The following PACSIN2 variants were observed in gnomAD, a reference collection of about 807,000 sequenced individuals.
PACSIN2 encodes protein kinase C and casein kinase substrate in neurons 2, also known as protein kinase C and casein kinase substrate in neurons protein 2.
In PACSIN2, 25 loss-of-function variants were observed where a neutral mutation model predicts 63.8. That is an observed-to-expected ratio of 0.39 (90% confidence interval 0.29 to 0.55). The LOEUF (loss-of-function observed/expected upper bound fraction) is 0.55, where lower values mean the gene tolerates loss of function less well. PACSIN2 is among the 20% of genes least tolerant of loss of function. The pLI is 0.62. For synonymous variants in PACSIN2, 255 were observed against 256.2 expected (o/e 1.00, Z 0.05); for missense variants, 518 against 646.9 (o/e 0.80, Z 2.16).
chr22:42,956,091 A>G lies in PACSIN2; in HGVS notation c.-77-43934T>C, dbSNP rs574903201. ...AAATCATTCTTCCTTGTTCTCCTTC[A>G]AGGACTCCACTGTAGAACAAATCCT... On this transcript the variant is annotated intron_variant, in intron 1 of 10. Transcript: ENST00000263246. Among the ~76,000 whole-genome samples the G allele has an allele frequency of 1.7e-4, 26 of 152,326 alleles. No homozygotes were observed. In the East Asian group the frequency reaches 5.0e-3, roughly 29 times the overall value.
intron 1 of PACSIN2, among the ~76,000 whole-genome samples, chr22:43,005,015 T>A (rs1924003344): frequency 6.6e-6 from 1 of 152,276 alleles, no homozygotes; most frequent in Non-Finnish European, 1.5e-5. Context: ...AAGCTCTTTT[T>A]ATTTATACTT....
intron 1 of PACSIN2, among the ~76,000 whole-genome samples, chr22:42,921,805 C>T (rs767405395): frequency 3.0e-4 from 46 of 151,328 alleles, no homozygotes; most frequent in Non-Finnish European, 4.6e-4. Flanking sequence ...GTGGCGCGAT[C>T]TCAGCTCACT....
chr22:42,897,347 A>G (rs1930362343), intron 2 of PACSIN2, among the ~76,000 whole-genome samples: 1 of 152,260 alleles, frequency 6.6e-6, no homozygotes, highest in Non-Finnish European at 1.5e-5. Flanking sequence ...ATACATTAAA[A>G]TCAGCACATA....
chr22:42,940,822 T>TA (rs1933124396), intron 1 of PACSIN2, among the ~76,000 whole-genome samples: 1 of 152,212 alleles, frequency 6.6e-6, no homozygotes, highest in African/African-American at 2.4e-5. Context: ...GGGATGGGAT[T>TA]ATTTAGCCAG....
At position 42,876,986 on chromosome 22, in the gene PACSIN2, G is replaced by A. The variant is rs775010045; in HGVS notation, c.1053C>T (p.Pro351=). ...PSSTLNVPSN[P]AQSAQSQSSY... is the part of the protein sequence containing the mutation. ...TGGACTGTGACTGCGCAGACTGGGC[G>A]GGGTTGCTCGGGACATTAAGGGTGC... The change falls in exon 9 of 11, where the codon CCC becomes CCT. Residue 351 remains proline, a synonymous_variant. Coordinates refer to ENST00000263246, the MANE Select transcript of PACSIN2 (RefSeq NM_001184970.3). 5.6e-6 allele frequency: 9 copies of A among 1,614,168 alleles called. No homozygotes were observed. The highest frequency in any genetic ancestry group is 4.4e-5 in the South Asian group (4 of 91,084).
At chr22:42,989,859 GAA>G (rs575057018) in intron 1 of PACSIN2, among the ~76,000 whole-genome samples, 17,821 of 114,950 alleles carry the variant, frequency 0.16, 1,580 homozygotes, top group African/African-American at 0.31. Context: ...CTTGGAGGGG[GAA>G]AAAAAAATAT....
intron 1 of PACSIN2, among the ~76,000 whole-genome samples, chr22:42,989,299 C>T (rs1175228031): frequency 1.3e-5 from 2 of 152,040 alleles, no homozygotes; most frequent in Non-Finnish European, 2.9e-5. Flanking sequence ...GAGGTCAAGA[C>T]CAGCCTGGCC....
intron 1 of PACSIN2, among the ~76,000 whole-genome samples, chr22:42,976,054 G>A (rs1196927004): frequency 6.6e-6 from 1 of 152,152 alleles, no homozygotes; most frequent in African/African-American, 2.4e-5. Context: ...CAGCATTGAG[G>A]CCTTCCCCTC....
intron 1 of PACSIN2, among the ~76,000 whole-genome samples, chr22:42,930,959 ACT>A (rs1481069197): frequency 6.6e-6 from 1 of 152,138 alleles, no homozygotes; most frequent in Non-Finnish European, 1.5e-5. Context: ...CGTGTGCGTG[ACT>A]CTGAAGAGTG....
chr22:42,977,778 G>A (rs547980016), intron 1 of PACSIN2, among the ~76,000 whole-genome samples: 9 of 152,174 alleles, frequency 5.9e-5, no homozygotes, highest in South Asian at 4.2e-4. Context: ...CCCCCCTCAC[G>A]CTCTCTGTCT....
At chr22:43,009,346 G>T (rs1000641481) in intron 1 of PACSIN2, among the ~76,000 whole-genome samples, 1 of 152,210 alleles carries the variant, frequency 6.6e-6, no homozygotes, top group African/African-American at 2.4e-5. Flanking sequence ...AAGTGCTTTG[G>T]AATGTGCATC....
Position 42,997,917 on chromosome 22 carries a change from T to C in PACSIN2, c.-78+17104A>G, listed in dbSNP as rs144147139. 5.2e-3 allele frequency among the ~76,000 whole-genome samples: 788 copies of C among 152,242 alleles called. 3 individuals are homozygous for C. The highest frequency in any genetic ancestry group is 0.018 in the African/African-American group (752 of 41,550). On this transcript the variant is annotated intron_variant, in intron 1 of 10. Transcript: ENST00000263246. ...AAACAAAAATACAAGTGAAGAAACATTGCTGAGTTCCACCCACGTGTCTCA... is the reference window on the plus strand; with the variant it reads ...AAACAAAAATACAAGTGAAGAAACACTGCTGAGTTCCACCCACGTGTCTCA...
At chr22:42,881,967 G>A (rs533384673) in intron 7 of PACSIN2, among the ~76,000 whole-genome samples, 7 of 152,326 alleles carry the variant, frequency 4.6e-5, no homozygotes, top group Non-Finnish European at 8.8e-5. Context: ...ACATAACCGC[G>A]ACTTCAGGAG....
At chr22:42,963,587 G>A (rs1205446898) in intron 1 of PACSIN2, among the ~76,000 whole-genome samples, 3 of 152,120 alleles carry the variant, frequency 2.0e-5, no homozygotes, top group Non-Finnish European at 4.4e-5. Context: ...CTTGTACCAC[G>A]TTTACCACGC....
At chr22:42,985,640 A>G (rs888718626) in intron 1 of PACSIN2, among the ~76,000 whole-genome samples, 1 of 152,172 alleles carries the variant, frequency 6.6e-6, no homozygotes, top group African/African-American at 2.4e-5. Context: ...GACAAAGAAC[A>G]GCCCCTCCAA....
chr22:42,955,345 C>A (rs1398240403), intron 1 of PACSIN2, among the ~76,000 whole-genome samples: 3 of 152,166 alleles, frequency 2.0e-5, no homozygotes, highest in Non-Finnish European at 4.4e-5. Context: ...ACTGATCCAG[C>A]CAGCCAGCAT....
chr22:42,946,717 G>A (rs5759052), intron 1 of PACSIN2, among the ~76,000 whole-genome samples: 36,872 of 151,986 alleles, frequency 0.24, 5,195 homozygotes, highest in South Asian at 0.33. Context: ...ATCCTCTCTC[G>A]TCCAGCTGGG....
intron 1 of PACSIN2, among the ~76,000 whole-genome samples, chr22:42,945,151 G>C (rs181879995): frequency 6.6e-6 from 1 of 151,650 alleles, no homozygotes; most frequent in Non-Finnish European, 1.5e-5. Context: ...CCAGTGCTTA[G>C]CATGAGGTAG....
intron 1 of PACSIN2, among the ~76,000 whole-genome samples, chr22:42,968,516 T>C (rs1921011142): frequency 6.6e-6 from 1 of 152,172 alleles, no homozygotes; most frequent in Non-Finnish European, 1.5e-5. Flanking sequence ...ACTTGGCATG[T>C]GTCATGGTTA....
Sources: gnomAD v4.1 joint callset for allele counts (sites outside exome capture counted in the v4.1 genomes callset) on GRCh38, gnomAD v4.1.1 for gene constraint, MANE v1.5 for transcripts, NCBI Gene and HGNC (gene_info 2026-07-23, HGNC 2026-07-21) for gene names.